MLIP: variants seen among roughly 807,000 people sequenced by gnomAD.
The protein encoded by MLIP is muscular LMNA interacting protein, also known as muscular LMNA-interacting protein.
A neutral mutation model predicts 84.8 loss-of-function variants in MLIP; 79 were observed. The ratio of observed to expected loss-of-function variants is 0.93; its 90% CI spans 0.78 to 1.12. The LOEUF is 1.12. Ranked by LOEUF, MLIP falls within the 50% of genes most tolerant of loss-of-function variation. The pLI is 0.00. For synonymous variants in MLIP, 504 were observed against 463.0 expected, an observed-to-expected ratio of 1.09 and a Z score of -1.14; for missense variants, 1,257 against 1,160.6, an observed-to-expected ratio of 1.08 and a Z score of -1.21.
intron 1 of MLIP, among the ~76,000 whole-genome samples, chr6:54,062,152 G>T (rs1766001025): frequency 6.6e-6 from 1 of 152,184 alleles, no homozygotes; most frequent in African/African-American, 2.4e-5. Context: ...AGAGGGATCA[G>T]ACTAGAGAAT....
intron 1 of MLIP, among the ~76,000 whole-genome samples, chr6:54,094,806 T>A (rs1041004500): frequency 1.3e-5 from 2 of 152,128 alleles, no homozygotes; most frequent in Non-Finnish European, 2.9e-5. Context: ...CTCTTCTCAG[T>A]TATAAATTCA....
intron 1 of MLIP, among the ~76,000 whole-genome samples, chr6:54,058,451 C>A (rs373020061): frequency 6.6e-6 from 1 of 152,174 alleles, no homozygotes; most frequent in Admixed American, 6.6e-5. Context: ...TTGCATCTGT[C>A]TGGAGAAAGG....
intron 1 of MLIP, among the ~76,000 whole-genome samples, chr6:54,119,618 C>G (rs1770262160): frequency 6.6e-6 from 1 of 152,048 alleles, no homozygotes; most frequent in South Asian, 2.1e-4. Context: ...TTCACAAGAT[C>G]TATTGTACAG....
At chr6:54,155,305 C>T (rs888451986) in intron 5 of MLIP, among the ~76,000 whole-genome samples, 3 of 152,106 alleles carry the variant, frequency 2.0e-5, no homozygotes, top group Non-Finnish European at 4.4e-5. Flanking sequence ...CTATCCTACA[C>T]ATGGTTTTAT....
chr6:54,233,544 T>A (rs1781157054), intron 12 of MLIP, among the ~76,000 whole-genome samples: 2 of 152,222 alleles, frequency 1.3e-5, no homozygotes. Flanking sequence ...TTCCATGGTG[T>A]ATATGTGCCA....
At chr6:54,118,377 A>G in intron 1 of MLIP, among the ~76,000 whole-genome samples, 1 of 152,196 alleles carries the variant, frequency 6.6e-6, no homozygotes, top group African/African-American at 2.4e-5. Context: ...AAATCCACAC[A>G]CTTACAGCCA....
At position 54,137,433 on chromosome 6, in the gene MLIP, A is replaced by C. The variant is rs2754779; in HGVS notation, c.1364A>C (p.Glu455Ala). Residue 455 changes from glutamate to alanine, a missense_variant, in exon 4 of 14, where the codon GAA (glutamate) becomes GCA (alanine). Coordinates refer to ENST00000502396, the MANE Select transcript of MLIP (RefSeq NM_001281747.2). ...ASSTLTLDQK[E>A]KQTPPTPKKS... Reference sequence around the variant, plus strand: ...TCCACGCTCACACTTGACCAAAAAGAAAAGCAGACCCCACCCACGCCTAAA... The same window carrying C: ...TCCACGCTCACACTTGACCAAAAAGCAAAGCAGACCCCACCCACGCCTAAA... The C allele has an allele frequency of 0.3, 461,091 of 1,535,660 alleles. 74,224 individuals carry two copies. Among genetic ancestry groups the C allele is most frequent in the African/African-American group, 0.56 (40,937 of 72,916 alleles).
intron 9 of MLIP, among the ~76,000 whole-genome samples, chr6:54,176,358 A>T (rs961938170): frequency 1.3e-5 from 2 of 151,754 alleles, no homozygotes; most frequent in Non-Finnish European, 2.9e-5. Context: ...CAGTGAAGCC[A>T]CTGGGTCCCG....
Position 54,137,631 on chromosome 6 carries a change from T to C in MLIP, c.1562T>C (p.Met521Thr). The C allele has an allele frequency of 1.3e-6, 2 of 1,536,074 alleles. No homozygotes were observed. The highest frequency in any genetic ancestry group is 1.7e-6 in the Non-Finnish European group (2 of 1,146,874). Reference sequence around the variant, plus strand: ...CAGGCTAGTAGCAGCCTTGCTTCCATGAATGTAGAGAGAACACCATCACCT... The same window carrying C: ...CAGGCTAGTAGCAGCCTTGCTTCCACGAATGTAGAGAGAACACCATCACCT... ...TKQASSSLAS[M>T]NVERTPSPTL... Residue 521 changes from methionine to threonine, a missense_variant, in exon 4 of 14, where the codon ATG (methionine) becomes ACG (threonine). Coordinates refer to ENST00000502396, the MANE Select transcript of MLIP (RefSeq NM_001281747.2).
At chr6:54,213,514 C>T (rs1164000734) in intron 11 of MLIP, among the ~76,000 whole-genome samples, 7 of 151,794 alleles carry the variant, frequency 4.6e-5, no homozygotes, top group Non-Finnish European at 8.8e-5. Context: ...CCAGCCTGGC[C>T]AACATGGTGA....
upstream of MLIP, chr6:54,111,392 T>C (rs1036508542): frequency 9.4e-6 from 14 of 1,495,036 alleles, no homozygotes; most frequent in African/African-American, 2.0e-4. Context: ...ATTTCTTCTT[T>C]CTGCGTGAGT....
At chr6:54,058,796 T>C (rs1481949471) in intron 1 of MLIP, 1 of 152,162 alleles carries the variant, frequency 6.6e-6, no homozygotes. Flanking sequence ...ATATCAGATA[T>C]TGGCTCAAAG....
intron 11 of MLIP, among the ~76,000 whole-genome samples, chr6:54,204,567 T>C (rs185187498): frequency 2.0e-5 from 3 of 152,338 alleles, no homozygotes; most frequent in Admixed American, 2.0e-4. Context: ...TGAGTATAAT[T>C]TTAAATTCAT....
At chr6:54,249,401 T>G (rs1489719899) in intron 12 of MLIP, among the ~76,000 whole-genome samples, 5 of 152,074 alleles carry the variant, frequency 3.3e-5, no homozygotes, top group Admixed American at 1.3e-4. Context: ...TAAATATTAA[T>G]AAATGTTGTA....
rs1773246362 is a variant in MLIP, at chr6:54,149,800, T to C, written c.2289+673T>C. Among the ~76,000 whole-genome samples, 4 of 152,154 alleles carry C rather than the reference T, an allele frequency of 2.6e-5. No homozygotes were observed. The South Asian group carries it at 8.3e-4, about 32-fold the overall frequency. ...TCATTAATAATAAAATTATAGGCTG[T>C]TACATAAGTAGGTAAATTAAATTGA... On this transcript the variant is annotated intron_variant, in intron 5 of 13. Coordinates refer to ENST00000502396, the MANE Select transcript of MLIP (RefSeq NM_001281747.2).
intron 4 of MLIP, among the ~76,000 whole-genome samples, chr6:54,138,604 T>A (rs1484157731): frequency 6.6e-6 from 1 of 152,186 alleles, no homozygotes; most frequent in African/African-American, 2.4e-5. Flanking sequence ...AATGACAGAA[T>A]TAAAAGCAAG....
intron 1 of MLIP, among the ~76,000 whole-genome samples, chr6:54,042,605 G>A (rs1347063361): frequency 1.3e-5 from 2 of 152,152 alleles, no homozygotes; most frequent in African/African-American, 4.8e-5. Context: ...CTGTGAAGCA[G>A]TATTCTGTGA....
At chr6:54,044,047 T>G (rs1297895033) in intron 1 of MLIP, among the ~76,000 whole-genome samples, 2 of 152,214 alleles carry the variant, frequency 1.3e-5, no homozygotes, top group Admixed American at 1.3e-4. Flanking sequence ...AGTGCTTCTT[T>G]ATTCCTTTGC....
chr6:54,051,300 A>G (rs1003539818), intron 1 of MLIP, among the ~76,000 whole-genome samples: 5 of 151,934 alleles, frequency 3.3e-5, no homozygotes, highest in Non-Finnish European at 7.4e-5. Flanking sequence ...AGTGCTTAGA[A>G]TCAATGCATT....
Sources: allele counts gnomAD v4.1 joint callset (sites outside exome capture counted in the v4.1 genomes callset), GRCh38; gene constraint gnomAD v4.1.1; transcripts MANE v1.5; gene names NCBI Gene and HGNC (gene_info 2026-07-23, HGNC 2026-07-21).